The following ITGB1 variants were observed in gnomAD, a reference collection of about 807,000 sequenced individuals.
ITGB1 encodes the protein integrin subunit beta 1.
In ITGB1, 24 loss-of-function variants were observed where a neutral mutation model predicts 86.5. That is an observed-to-expected ratio of 0.28 (90% CI 0.20 to 0.39). ITGB1 has a LOEUF of 0.39. Among genes scored for constraint, ITGB1 ranks in the 10% least tolerant of loss-of-function variants. The probability of loss-of-function intolerance (pLI) is 1.00; values close to 1 mark genes in which losing one functional copy is unlikely to be tolerated. For missense variants in ITGB1, 556 were observed against 946.9 expected, an observed-to-expected ratio of 0.59 and a Z score of 5.42; for synonymous variants, 323 against 316.8, an observed-to-expected ratio of 1.02 and a Z score of -0.21.
intron 5 of ITGB1, 146 bp from the exon 6 acceptor site, chr10:32,926,255 T>C: frequency 1.6e-6 from 1 of 644,990 alleles, no homozygotes; most frequent in Non-Finnish European, 2.7e-6. Context: ...ATTCCTACAT[T>C]GAAAACCTAA....
chr10:32,936,135 T>C (rs2095000937), intron 1 of ITGB1: 1 of 152,288 alleles, frequency 6.6e-6, no homozygotes, highest in African/African-American at 2.4e-5. Flanking sequence ...ATCTCTCTTT[T>C]TTAAGAAAAT....
intron 1 of ITGB1, among the ~76,000 whole-genome samples, chr10:32,945,777 C>A (rs1413001322): frequency 6.6e-6 from 1 of 152,080 alleles, no homozygotes; most frequent in Non-Finnish European, 1.5e-5. Context: ...CAACTGGATT[C>A]ACAGATTTGT....
chr10:32,915,333 G>T (rs2094928122), intron 11 of ITGB1, among the ~76,000 whole-genome samples: 1 of 152,166 alleles, frequency 6.6e-6, no homozygotes, highest in African/African-American at 2.4e-5. Context: ...AACTGAAGGA[G>T]ATAGAGACAT....
rs1170655864 is a variant in ITGB1 at position 32,911,556 on chromosome 10, T to C, written c.1823A>G (p.Asn608Ser). ...ACCACACTCGCAGATGCCCCGGCCATTGCAGATCTGTCCGTTGCTGGCTTC... is the reference window on the plus strand; with the variant it reads ...ACCACACTCGCAGATGCCCCGGCCACTGCAGATCTGTCCGTTGCTGGCTTC... ...TCEASNGQIC[N>S]GRGICECGVC... The change falls in exon 13 of 16, where the codon AAT becomes AGT. Residue 608 changes from asparagine (N) to serine (S), a missense_variant. By Grantham distance (46) the Asn-to-Ser change is conservative (BLOSUM62 1). Transcript: ENST00000302278. 3.1e-6 allele frequency: 5 copies of C among 1,614,046 alleles called. No individual in the cohort carries two copies. The highest frequency in any genetic ancestry group is 4.2e-6 in the Non-Finnish European group (5 of 1,180,002).
intron 5 of ITGB1, among the ~76,000 whole-genome samples, chr10:32,926,749 T>C (rs748827265): frequency 4.6e-5 from 7 of 152,120 alleles, no homozygotes; most frequent in Non-Finnish European, 7.4e-5. Context: ...AACGTAAGAA[T>C]AGACTCCTAC....
intron 1 of ITGB1, among the ~76,000 whole-genome samples, chr10:32,950,145 G>A (rs2095039854): frequency 6.6e-6 from 1 of 152,126 alleles, no homozygotes; most frequent in South Asian, 2.1e-4. Context: ...TCCCAAGTCT[G>A]TTCTACCATC....
At chr10:32,905,712 T>C (rs966303304) in intron 15 of ITGB1, among the ~76,000 whole-genome samples, 6 of 152,212 alleles carry the variant, frequency 3.9e-5, no homozygotes, top group African/African-American at 1.4e-4. Flanking sequence ...CCTACAACTT[T>C]CACTATGAAG....
At chr10:32,941,440 A>C (rs1388030553) in intron 1 of ITGB1, among the ~76,000 whole-genome samples, 2 of 152,240 alleles carry the variant, frequency 1.3e-5, no homozygotes, top group Non-Finnish European at 2.9e-5. Context: ...GGCCAAAAGG[A>C]ATCTTGAAGT....
intron 1 of ITGB1, among the ~76,000 whole-genome samples, chr10:32,939,727 AGTGAGTGAGT>A (rs2095013464): frequency 2.2e-3 from 2 of 918 alleles, no homozygotes; most frequent in African/African-American, 3.2e-3. Flanking sequence ...TGGGTAAGTG[AGTGAGTGAGT>A]GAGTGAGTGA....
At chr10:32,957,523 C>T (rs1428276514) in intron 1 of ITGB1, among the ~76,000 whole-genome samples, 1 of 152,194 alleles carries the variant, frequency 6.6e-6, no homozygotes, top group East Asian at 1.9e-4. Context: ...CGGTCCCCAG[C>T]GGCTCCACTA....
At chr10:32,934,813 G>C (rs1373221309) in intron 2 of ITGB1, among the ~76,000 whole-genome samples, 1 of 152,090 alleles carries the variant, frequency 6.6e-6, no homozygotes, top group Non-Finnish European at 1.5e-5. Flanking sequence ...ACGGTGTTCT[G>C]ACACAGAATG....
intron 10 of ITGB1, 34 bp downstream of exon 10, chr10:32,920,211 A>C (rs1194219916): frequency 1.3e-6 from 2 of 1,597,680 alleles, no homozygotes; most frequent in South Asian, 2.3e-5. Context: ...TAAATAACCA[A>C]TGTTTTCTAC....
intron 11 of ITGB1, among the ~76,000 whole-genome samples, chr10:32,913,609 A>G (rs2094921122): frequency 6.6e-6 from 1 of 152,206 alleles, no homozygotes; most frequent in African/African-American, 2.4e-5. Flanking sequence ...TGAGAAGTTT[A>G]GAGAAAAAAA....
intron 1 of ITGB1, among the ~76,000 whole-genome samples, chr10:32,954,992 T>C (rs1217055365): frequency 6.6e-6 from 1 of 151,618 alleles, no homozygotes; most frequent in African/African-American, 2.4e-5. Flanking sequence ...AGAGAGAAAC[T>C]TTTTTTTTCA....
At chr10:32,907,212 CTATAA>C in intron 15 of ITGB1, 1 of 492,642 alleles carries the variant, frequency 2.0e-6, no homozygotes, top group Non-Finnish European at 3.5e-6. Flanking sequence ...TGTTTGAACA[CTATAA>C]ATGTCTTTTT....
chr10:32,951,680 AATTG>A (rs2095042871), intron 1 of ITGB1: 1 of 152,206 alleles, frequency 6.6e-6, no homozygotes, highest in Non-Finnish European at 1.5e-5. Flanking sequence ...ATTACCTAGC[AATTG>A]ATTGTTTTTC....
At chr10:32,927,669 C>T (rs1346291590) in intron 5 of ITGB1, among the ~76,000 whole-genome samples, 1 of 152,118 alleles carries the variant, frequency 6.6e-6, no homozygotes, top group Non-Finnish European at 1.5e-5. Flanking sequence ...TGGCAGATGC[C>T]TGTAATCCCA....
intron 14 of ITGB1, among the ~76,000 whole-genome samples, chr10:32,908,828 C>A (rs1019796530): frequency 3.3e-5 from 5 of 152,060 alleles, no homozygotes; most frequent in African/African-American, 1.2e-4. Context: ...ATAAGTCTAA[C>A]AAAATATATG....
Position 32,901,470 on chromosome 10 carries a change from C to G in ITGB1, c.*100G>C. ...ATATTGTACATTTTCAAAACCTGCA[C>G]ATGAGTAAAACCATGGCAATATTGC... On this transcript the variant is annotated 3_prime_UTR_variant, in exon 16 of 16. Coordinates refer to ENST00000302278, the MANE Select transcript of ITGB1 (RefSeq NM_002211.4). The G allele has an allele frequency of 1.3e-6, 1 of 760,436 alleles. No individual in the cohort carries two copies. The highest frequency in any genetic ancestry group is 2.2e-6 in the Non-Finnish European group (1 of 460,252). The allele number at this position is 760,436 out of a possible 1,614,324, so 47.1% of individuals were successfully genotyped here.
Sources: gnomAD v4.1 joint callset for allele counts (sites outside exome capture counted in the v4.1 genomes callset) on GRCh38, gnomAD v4.1.1 for gene constraint, MANE v1.5 for transcripts, NCBI Gene and HGNC (gene_info 2026-07-23, HGNC 2026-07-21) for gene names.